Variants in WNT5B observed in about 807,000 individuals in gnomAD.
The protein encoded by WNT5B is protein Wnt-5b.
Under a neutral mutation model 36.5 loss-of-function variants are expected in WNT5B, and 18 were observed. That is an observed-to-expected ratio of 0.49 (90% CI 0.34 to 0.73). WNT5B has a LOEUF of 0.73. Among genes scored for constraint, WNT5B ranks in the 30% least tolerant of loss-of-function variants. The pLI is 0.01. For synonymous variants in WNT5B, 213 were observed against 212.3 expected, an observed-to-expected ratio of 1.00 and a Z score of -0.03; for missense variants, 424 against 508.4, an observed-to-expected ratio of 0.83 and a Z score of 1.60.
At chr12:1,623,195 T>TTTTTTGTTTGTTTG (rs1565603189) in intron 1 of WNT5B, among the ~76,000 whole-genome samples, 1 of 111,290 alleles carries the variant, frequency 9.0e-6, no homozygotes, top group African/African-American at 3.7e-5. Flanking sequence ...TTGTTTTTTT[T>TTTTTTGTTTGTTTG]TTTTTTTTTT....
At chr12:1,620,705 A>ATTTTT (rs746469978) in intron 1 of WNT5B, among the ~76,000 whole-genome samples, 2 of 105,158 alleles carry the variant, frequency 1.9e-5, no homozygotes, top group African/African-American at 6.7e-5. Context: ...CACCCAGCAA[A>ATTTTT]TTTTTTTTTT....
At chr12:1,640,173 G>A (rs576948333) in intron 4 of WNT5B, among the ~76,000 whole-genome samples, 197 bp downstream of exon 4, 190 of 152,320 alleles carry the variant, frequency 1.2e-3, no homozygotes, top group African/African-American at 4.4e-3. Context: ...ATGGGCATAC[G>A]TGCTTTTTCT....
chr12:1,639,288 C>A (rs1330373321), intron 3 of WNT5B, among the ~76,000 whole-genome samples: 2 of 151,470 alleles, frequency 1.3e-5, no homozygotes, highest in Admixed American at 6.6e-5. Flanking sequence ...CAGGCGCCCG[C>A]CACCACGCCC....
chr12:1,617,280 A>C (rs1217609054), intron 1 of WNT5B: 1 of 149,034 alleles, frequency 6.7e-6, no homozygotes, highest in East Asian at 1.9e-4. Context: ...CTATGCATTT[A>C]GTACAATGAT....
rs139279507 is a variant in WNT5B, at chr12:1,645,832, C to T, written c.660C>T (p.His220=). The change falls in exon 5 of 5, where the codon CAC becomes CAT. Residue 220 remains histidine, a synonymous_variant. Coordinates refer to ENST00000397196, the MANE Select transcript of WNT5B (RefSeq NM_032642.3). ...YKMADVACKC[H]GVSGSCSLKT... is the part of the protein sequence containing the mutation. ...TGGCAGACGTAGCCTGCAAATGCCA[C>T]GGCGTCTCGGGGTCCTGCAGCCTCA... 3.7e-6 allele frequency: 6 copies of T among 1,602,234 alleles called. No individual in the cohort carries two copies. Among genetic ancestry groups the T allele is most frequent in the East Asian group, 4.5e-5 (2 of 44,656 alleles).
At position 1,639,685 on chromosome 12, in the gene WNT5B, C is replaced by CAGCCGAG. The variant is rs1178285267; in HGVS notation, c.333_339dup (p.Thr114ProfsTer100). The CAGCCGAG allele has an allele frequency of 6.5e-7, 1 of 1,549,384 alleles. No homozygotes were observed. The highest frequency in any genetic ancestry group is 8.6e-7 in the Non-Finnish European group (1 of 1,156,198). On this transcript the variant is annotated frameshift_variant and splice_region_variant, in exon 4 of 5. Transcript: ENST00000397196. LOFTEE classifies it high-confidence loss of function. ...TACCGCCCTGGCCTCATTCTGCAGG[C>CAGCCGAG]AGCCGAGAGACCGCCTTCACCCACG...
chr12:1,643,623 C>T (rs562372592), intron 4 of WNT5B, among the ~76,000 whole-genome samples: 1 of 151,046 alleles, frequency 6.6e-6, no homozygotes, highest in Admixed American at 6.6e-5. Context: ...GCCTTGGCCT[C>T]CTAAAGTGCT....
chr12:1,643,111 G>C (rs1309385356), intron 4 of WNT5B, among the ~76,000 whole-genome samples: 1 of 148,372 alleles, frequency 6.7e-6, no homozygotes, highest in African/African-American at 2.6e-5. Flanking sequence ...TTGACACAGA[G>C]TAAATCTTAG....
At chr12:1,620,105 A>G (rs1329720418) in intron 1 of WNT5B, among the ~76,000 whole-genome samples, 3 of 152,194 alleles carry the variant, frequency 2.0e-5, no homozygotes. Context: ...ATACATGCAC[A>G]ACTTAATAAA....
intron 3 of WNT5B, among the ~76,000 whole-genome samples, chr12:1,637,137 A>C (rs778511938): frequency 5.3e-5 from 8 of 152,160 alleles, no homozygotes; most frequent in Non-Finnish European, 7.3e-5. Context: ...GGTGTGAGTC[A>C]CCACGCCTAG....
intron 3 of WNT5B, among the ~76,000 whole-genome samples, chr12:1,638,085 A>G (rs1038857346): frequency 6.6e-6 from 1 of 152,206 alleles, no homozygotes; most frequent in Non-Finnish European, 1.5e-5. Flanking sequence ...CATCTCCACT[A>G]AAAACACAAA....
chr12:1,626,787 G>A (rs1029846670), upstream of WNT5B, among the ~76,000 whole-genome samples: 27 of 151,028 alleles, frequency 1.8e-4, 1 homozygote, highest in African/African-American at 5.1e-4. Flanking sequence ...GGATGGTCTC[G>A]ATCTCCTGAC....
Position 1,618,987 on chromosome 12 carries a change from A to G in WNT5B, c.-58+1844A>G, listed in dbSNP as rs917038037. 6.6e-6 allele frequency among the ~76,000 whole-genome samples: 1 copy of G among 152,092 alleles called. No homozygotes were observed. Among genetic ancestry groups the G allele is most frequent in the South Asian group, 2.1e-4 (1 of 4,820 alleles). On this transcript the variant is annotated intron_variant, in intron 1 of 4. Coordinates refer to the WNT5B transcript ENST00000310594. This position sits in a 1 kb window ranked among gnomAD's most constrained non-coding sequence, Gnocchi z 4.1. ...GCACTGTGATTGGGTCTGTTTTGCT[A>G]TATACTTCCCAAATTGTGTACCTTA... is the stretch of plus-strand genomic sequence containing the variant.
intron 4 of WNT5B, among the ~76,000 whole-genome samples, chr12:1,641,916 G>A (rs1025394158): frequency 3.3e-5 from 5 of 152,242 alleles, no homozygotes; most frequent in African/African-American, 4.8e-5. Context: ...AGTATTGGCC[G>A]GATGGAATGT....
At chr12:1,645,092 C>T (rs2094582817) in intron 4 of WNT5B, 1 of 152,242 alleles carries the variant, frequency 6.6e-6, no homozygotes. Context: ...ATTTAATTCT[C>T]AGGGTATTTG....
Position 1,639,937 on chromosome 12 carries a change from G to T in WNT5B, c.582G>T (p.Arg194=), listed in dbSNP as rs757770985. The T allele has an allele frequency of 1.1e-5, 18 of 1,613,876 alleles. No individual in the cohort carries two copies. In the East Asian group the frequency reaches 4.0e-4, roughly 36 times the overall value. ...CCAAAGGATCAGAGGAGCAGGGCCG[G>T]GTGCTCATGAACCTGCAAAACAACG... is the stretch of plus-strand genomic sequence containing the variant. ...NFAKGSEEQG[R]VLMNLQNNEA... The change falls in exon 4 of 5, where the codon CGG becomes CGT. Residue 194 remains arginine (R), a synonymous_variant. Coordinates refer to ENST00000397196, the MANE Select transcript of WNT5B (RefSeq NM_032642.3).
upstream of WNT5B, among the ~76,000 whole-genome samples, chr12:1,627,065 A>T (rs564418935): frequency 6.6e-6 from 1 of 152,198 alleles, no homozygotes; most frequent in Non-Finnish European, 1.5e-5. This position sits in a 1 kb window ranked among gnomAD's most constrained non-coding sequence, Gnocchi z 5.0. Flanking sequence ...ACCACAACAG[A>T]TGAGCACGCC....
intron 4 of WNT5B, among the ~76,000 whole-genome samples, chr12:1,640,336 T>C (rs142911236): frequency 1.3e-5 from 2 of 152,362 alleles, no homozygotes; most frequent in African/African-American, 4.8e-5. Context: ...GATAATGCGA[T>C]GGGATGTTTA....
At chr12:1,639,589 C>CCGTGG (rs1014346932) in intron 3 of WNT5B, 95 bp from the exon 4 acceptor site, 25 of 1,355,840 alleles carry the variant, frequency 1.8e-5, no homozygotes, top group Non-Finnish European at 2.2e-5. Context: ...GTCAGCAGAG[C>CCGTGG]CGTGGCGTGC....
Sources: gnomAD v4.1 joint callset for allele counts (sites outside exome capture counted in the v4.1 genomes callset) on GRCh38, gnomAD v4.1.1 for gene constraint, Gnocchi (gnomAD v3.1) non-coding constraint, MANE v1.5 for transcripts, NCBI Gene and HGNC (gene_info 2026-07-23, HGNC 2026-07-21) for gene names.